PPP2R2B: variants seen among roughly 807,000 people sequenced by gnomAD.
PPP2R2B encodes protein phosphatase 2 regulatory subunit Bbeta, also known as serine/threonine-protein phosphatase 2A 55 kDa regulatory subunit B beta isoform.
A neutral mutation model predicts 46.0 loss-of-function variants in PPP2R2B; 5 were observed. The ratio of observed to expected loss-of-function variants is 0.11; its 90% CI spans 0.06 to 0.23. The LOEUF is 0.23. Among genes scored for constraint, PPP2R2B ranks in the 10% least tolerant of loss-of-function variants. The pLI, the probability that PPP2R2B is intolerant of heterozygous loss-of-function variation, is 1.00. For missense variants in PPP2R2B, 367 were observed against 575.0 expected (o/e 0.64, Z 3.70); for synonymous variants, 215 against 206.7 (o/e 1.04, Z -0.34).
At chr5:147,009,053 A>G (rs1419167175) in intron 1 of PPP2R2B, among the ~76,000 whole-genome samples, 3 of 152,144 alleles carry the variant, frequency 2.0e-5, no homozygotes, top group Admixed American at 1.3e-4. Flanking sequence ...CCATTGCTGC[A>G]TTACTTTTAG....
chr5:146,901,805 A>G (rs969365407), intron 1 of PPP2R2B, among the ~76,000 whole-genome samples: 1 of 152,104 alleles, frequency 6.6e-6, no homozygotes, highest in East Asian at 1.9e-4. Context: ...CAGTTATGTA[A>G]TGGTCGGTGT....
At chr5:146,804,572 C>T (rs978715139) in intron 2 of PPP2R2B, among the ~76,000 whole-genome samples, 13 of 152,000 alleles carry the variant, frequency 8.6e-5, no homozygotes, top group African/African-American at 1.2e-4. Flanking sequence ...AAATATTCGC[C>T]GGATGGATTA....
At chr5:146,634,183 G>A (rs114889851) in intron 7 of PPP2R2B, among the ~76,000 whole-genome samples, 3,199 of 152,212 alleles carry the variant, frequency 0.021, 52 homozygotes, top group Admixed American at 0.065. Context: ...ATCAGTTGAA[G>A]GCCTGAAGAG....
At chr5:146,620,427 G>A (rs995479382) in intron 7 of PPP2R2B, among the ~76,000 whole-genome samples, 6 of 152,134 alleles carry the variant, frequency 3.9e-5, no homozygotes, top group African/African-American at 1.4e-4. Flanking sequence ...TCTCCAGCAG[G>A]CAGCCGTAAG....
At chr5:147,081,026 A>G in intron 2 of PPP2R2B, 1 of 1,516,506 alleles carries the variant, frequency 6.6e-7, no homozygotes, top group Non-Finnish European at 8.8e-7. Flanking sequence ...ACTCCCAAGG[A>G]GGCAAGGAAA....
At chr5:146,634,168 A>G (rs1774628361) in intron 7 of PPP2R2B, among the ~76,000 whole-genome samples, 2 of 152,138 alleles carry the variant, frequency 1.3e-5, no homozygotes, top group East Asian at 1.9e-4. Context: ...AATGGGCCTC[A>G]TCTCATCAGT....
At chr5:146,591,635 G>T in intron 9 of PPP2R2B, among the ~76,000 whole-genome samples, 1 of 139,888 alleles carries the variant, frequency 7.1e-6, no homozygotes. Flanking sequence ...TGCCCACCAT[G>T]ACCCGACTTA....
At chr5:146,869,124 C>T (rs1761472488) in intron 2 of PPP2R2B, among the ~76,000 whole-genome samples, 3 of 152,126 alleles carry the variant, frequency 2.0e-5, no homozygotes, top group Non-Finnish European at 2.9e-5. Flanking sequence ...GTACTGGGCA[C>T]ATATGAATAG....
At chr5:146,688,851 C>T (rs1438511649) in intron 5 of PPP2R2B, among the ~76,000 whole-genome samples, 1 of 151,974 alleles carries the variant, frequency 6.6e-6, no homozygotes, top group African/African-American at 2.4e-5. Context: ...CAAACAAGGG[C>T]AAGGTAAAGT....
At chr5:146,889,375 T>C (rs1762423547) in intron 1 of PPP2R2B, among the ~76,000 whole-genome samples, 1 of 152,168 alleles carries the variant, frequency 6.6e-6, no homozygotes, top group Non-Finnish European at 1.5e-5. Context: ...AAGCTTTGGG[T>C]CACATGGTTA....
chr5:146,665,478 C>G (rs1033302903), intron 5 of PPP2R2B, among the ~76,000 whole-genome samples: 7 of 152,294 alleles, frequency 4.6e-5, no homozygotes, highest in East Asian at 3.9e-4. Flanking sequence ...AAAGAGAGAG[C>G]CTTGCTCTAG....
intron 4 of PPP2R2B, among the ~76,000 whole-genome samples, chr5:146,694,595 A>G (rs1779066617): frequency 6.6e-6 from 1 of 152,220 alleles, no homozygotes; most frequent in Admixed American, 6.5e-5. Flanking sequence ...AACATTTTGC[A>G]TAAATCCTTA....
chr5:146,983,327 T>C (rs369494817), intron 1 of PPP2R2B, among the ~76,000 whole-genome samples: 69 of 151,338 alleles, frequency 4.6e-4, no homozygotes, highest in South Asian at 1.0e-3. Context: ...ACTACAGGCG[T>C]CCGCCACCAC....
intron 1 of PPP2R2B, among the ~76,000 whole-genome samples, chr5:147,051,427 T>C (rs548524203): frequency 1.7e-4 from 26 of 152,298 alleles, no homozygotes; most frequent in African/African-American, 5.5e-4. Flanking sequence ...TTCTTTCCAG[T>C]CTCCTTGTGG....
chr5:146,903,765 C>G (rs1010206747), intron 1 of PPP2R2B, among the ~76,000 whole-genome samples: 1 of 152,068 alleles, frequency 6.6e-6, no homozygotes, highest in African/African-American at 2.4e-5. Flanking sequence ...AGTTCAAATC[C>G]TAGTGATACT....
chr5:146,996,577 C>T (rs1300541359), intron 1 of PPP2R2B, among the ~76,000 whole-genome samples: 1 of 152,068 alleles, frequency 6.6e-6, no homozygotes, highest in Non-Finnish European at 1.5e-5. Flanking sequence ...ATTCTCATGG[C>T]TGTATGGAAG....
At position 146,619,294 on chromosome 5, in the gene PPP2R2B, G is replaced by A. The variant is rs576081722; in HGVS notation, c.791-18834C>T. On this transcript the variant is annotated intron_variant, in intron 7 of 9. Coordinates refer to ENST00000394411, the MANE Select transcript of PPP2R2B (RefSeq NM_181675.4). ...AGCCTGGCCAACAAGGCAAAACCCCGTCTCTACTAAAAAAAAAAAAAAAAA... is the reference window on the plus strand; with the variant it reads ...AGCCTGGCCAACAAGGCAAAACCCCATCTCTACTAAAAAAAAAAAAAAAAA... 3.8e-4 allele frequency among the ~76,000 whole-genome samples: 52 copies of A among 137,656 alleles called. 1 individual carries two copies. The highest frequency in any genetic ancestry group is 2.1e-3 in the South Asian group (9 of 4,386). The allele number at this position is 137,656 out of a possible 152,430, so 90.3% of individuals were successfully genotyped here.
At chr5:147,056,208 T>C, upstream of PPP2R2B, 1 of 830,424 alleles carries the variant, frequency 1.2e-6, no homozygotes, top group Non-Finnish European at 1.5e-6. Flanking sequence ...CAGCATAGTG[T>C]TCTGCCCTGG....
intron 1 of PPP2R2B, chr5:147,035,278 G>A (rs1242671805): frequency 8.2e-6 from 3 of 367,642 alleles, no homozygotes; most frequent in African/African-American, 4.4e-5. Flanking sequence ...GAGAGTGAGG[G>A]GAGAAGGTGC....
Sources: gnomAD v4.1 joint callset for allele counts (sites outside exome capture counted in the v4.1 genomes callset) on GRCh38, gnomAD v4.1.1 for gene constraint, MANE v1.5 for transcripts, NCBI Gene and HGNC (gene_info 2026-07-23, HGNC 2026-07-21) for gene names.